Variants in CDIN1 observed in about 807,000 individuals in gnomAD.
CDIN1 encodes the protein CDAN1-interacting nuclease 1.
A neutral mutation model predicts 45.3 loss-of-function variants in CDIN1; 33 were observed. The ratio of observed to expected loss-of-function variants is 0.73; its 90% confidence interval spans 0.55 to 0.97. The LOEUF (loss-of-function observed/expected upper bound fraction) is 0.97. Ranked by LOEUF, CDIN1 falls within the 50% of genes least tolerant of loss-of-function variation. The probability of loss-of-function intolerance (pLI) is 0.00; values close to 1 mark genes in which losing one functional copy is unlikely to be tolerated. For synonymous variants in CDIN1, 118 were observed against 124.4 expected (o/e 0.95, Z 0.34); for missense variants, 303 against 339.4 (o/e 0.89, Z 0.84).
chr15:36,579,644 T>G lies in CDIN1; in HGVS notation c.-217T>G. On this transcript the variant is annotated 5_prime_UTR_variant, in exon 1 of 11. Coordinates refer to ENST00000566621, the MANE Select transcript of CDIN1 (RefSeq NM_001321759.2). ...CTAGGGCACTCTGGTGTACAGCCAG[T>G]CCCCGCCGCGGAGGTGCCGGTGGAG... The G allele has an allele frequency of 1.9e-6, 1 of 521,100 alleles. No individual in the cohort carries two copies. The highest frequency in any genetic ancestry group is 3.4e-6 in the Non-Finnish European group (1 of 291,974). The allele number at this position is 521,100 out of a possible 1,614,324, so 32.3% of individuals were successfully genotyped here.
intron 3 of CDIN1, among the ~76,000 whole-genome samples, chr15:36,650,674 C>T (rs937135298): frequency 6.6e-6 from 1 of 152,040 alleles, no homozygotes; most frequent in African/African-American, 2.4e-5. Context: ...AACTCCTGGC[C>T]TCAAATGATC....
chr15:36,754,347 G>A (rs2053552100), intron 10 of CDIN1, among the ~76,000 whole-genome samples: 1 of 152,096 alleles, frequency 6.6e-6, no homozygotes, highest in African/African-American at 2.4e-5. Context: ...GGCTGTTAAT[G>A]TGTCTTGAGC....
At chr15:36,665,569 G>A (rs2041215810) in intron 5 of CDIN1, among the ~76,000 whole-genome samples, 1 of 152,164 alleles carries the variant, frequency 6.6e-6, no homozygotes, top group South Asian at 2.1e-4. Context: ...GAAAGAGGAT[G>A]GTGAAAGAGT....
rs917264887 is a variant in CDIN1, at chr15:36,809,520, T to C, written c.*1067T>C. 9.2e-5 allele frequency: 14 copies of C among 152,230 alleles called. No homozygotes were observed. Among genetic ancestry groups the C allele is most frequent in the African/African-American group, 3.1e-4 (13 of 41,450 alleles). 9.4% of individuals were successfully genotyped at this position (152,230 alleles called of 1,614,324 possible). ...TTAATTTATTCACTTTTGTGTACTT[T>C]TATGTACTGCAAATCAGATTTCAGT... On this transcript the variant is annotated 3_prime_UTR_variant, in exon 11 of 11. Coordinates refer to ENST00000566621, the MANE Select transcript of CDIN1 (RefSeq NM_001321759.2).
intron 1 of CDIN1, among the ~76,000 whole-genome samples, chr15:36,612,050 G>T (rs954611549): frequency 1.3e-5 from 2 of 152,120 alleles, no homozygotes; most frequent in African/African-American, 4.8e-5. Flanking sequence ...TTTTCCCCAG[G>T]TGTCTGTTTT....
At chr15:36,797,529 T>G (rs2054844052) in intron 10 of CDIN1, among the ~76,000 whole-genome samples, 1 of 152,192 alleles carries the variant, frequency 6.6e-6, no homozygotes, top group African/African-American at 2.4e-5. Context: ...GGACTAGTAC[T>G]CTTGGTTTCT....
chr15:36,641,645 AGT>A (rs2040112210), intron 1 of CDIN1: 3 of 152,362 alleles, frequency 2.0e-5, no homozygotes, highest in Middle Eastern at 3.4e-3. Context: ...AGTGATATAA[AGT>A]GTAAAGATTC....
chr15:36,608,692 A>C (rs1037478), intron 1 of CDIN1, among the ~76,000 whole-genome samples: 69,056 of 151,726 alleles, frequency 0.46, 16,148 homozygotes, highest in African/African-American at 0.54. Flanking sequence ...TACAGAAGAT[A>C]AATATAGAGA....
At chr15:36,780,813 T>A in intron 10 of CDIN1, among the ~76,000 whole-genome samples, 1 of 152,176 alleles carries the variant, frequency 6.6e-6, no homozygotes, top group Non-Finnish European at 1.5e-5. Context: ...AACTAGTAAG[T>A]GGCCGAGCTA....
chr15:36,788,422 A>C (rs1026804570), intron 10 of CDIN1, among the ~76,000 whole-genome samples: 3 of 152,104 alleles, frequency 2.0e-5, no homozygotes, highest in Admixed American at 2.0e-4. Context: ...GAGCAGTTTG[A>C]ACTCAGGCAT....
intron 10 of CDIN1, among the ~76,000 whole-genome samples, chr15:36,729,540 T>A (rs2043764951): frequency 6.6e-6 from 1 of 152,216 alleles, no homozygotes; most frequent in Non-Finnish European, 1.5e-5. Flanking sequence ...TTGTTTTAAA[T>A]GATAAATATG....
At position 36,734,343 on chromosome 15, in the gene CDIN1, G is replaced by T. The variant is rs552179042; in HGVS notation, c.716+24382G>T. On this transcript the variant is annotated intron_variant, in intron 10 of 10. Transcript: ENST00000566621. ...AGAACAATACTAATACTATGTAGTC[G>T]GGTATAAGAATTCCAGAGGTACTTT... 2.3e-5 allele frequency: 10 copies of T among 426,524 alleles called. No homozygotes were observed. The East Asian group carries it at 7.0e-4, about 30-fold the overall frequency. 26.4% of individuals were successfully genotyped at this position (426,524 alleles called of 1,614,324 possible). A position where few individuals can be genotyped will look rare whatever the true frequency, so the allele number is the denominator to read the frequency against.
intron 10 of CDIN1, among the ~76,000 whole-genome samples, chr15:36,720,466 C>T (rs115547719): frequency 0.01 from 1,430 of 138,482 alleles, 25 homozygotes; most frequent in African/African-American, 0.036. Context: ...TGTGATATTC[C>T]CCACCCTGTG....
intron 10 of CDIN1, among the ~76,000 whole-genome samples, chr15:36,771,953 C>T (rs569868320): frequency 2.0e-5 from 3 of 150,578 alleles, no homozygotes; most frequent in East Asian, 2.0e-4. Context: ...AGAAGATAGA[C>T]TCACACAAAC....
At chr15:36,757,439 GTAGTCCCTTTC>G (rs889076365) in intron 10 of CDIN1, among the ~76,000 whole-genome samples, 10 of 152,196 alleles carry the variant, frequency 6.6e-5, no homozygotes, top group African/African-American at 2.4e-4. Context: ...ACAAAATGCA[GTAGTCCCTTTC>G]TAGTCCGAGG....
chr15:36,718,812 C>CTTTTTTTTTTTTTTTTTT (rs3045909), intron 10 of CDIN1, among the ~76,000 whole-genome samples: 7 of 96,626 alleles, frequency 7.2e-5, no homozygotes, highest in Non-Finnish European at 9.8e-5. Flanking sequence ...AATTTGTATG[C>CTTTTTTTTTTTTTTTTTT]TTTTTTTTTT....
chr15:36,585,950 A>G lies in CDIN1; in HGVS notation c.101+5989A>G, dbSNP rs1489774037. Among the ~76,000 whole-genome samples, 3 of 152,114 alleles carry G rather than the reference A, an allele frequency of 2.0e-5. No homozygotes were observed. The East Asian group carries it at 5.8e-4, about 29-fold the overall frequency. On this transcript the variant is annotated intron_variant, in intron 1 of 10. Coordinates refer to ENST00000566621, the MANE Select transcript of CDIN1 (RefSeq NM_001321759.2). ...TACTGTGACTCACAAAACAGGCTCTACCTGACCAAACTACAATTACTGACT... is the reference window on the plus strand; with the variant it reads ...TACTGTGACTCACAAAACAGGCTCTGCCTGACCAAACTACAATTACTGACT...
At chr15:36,778,523 C>T (rs560658297) in intron 10 of CDIN1, among the ~76,000 whole-genome samples, 1 of 152,286 alleles carries the variant, frequency 6.6e-6, no homozygotes, top group Non-Finnish European at 1.5e-5. Flanking sequence ...AGAAAATAGT[C>T]TCTATATGAC....
chr15:36,716,499 T>C (rs578091728), intron 10 of CDIN1, among the ~76,000 whole-genome samples: 72 of 152,266 alleles, frequency 4.7e-4, no homozygotes, highest in Non-Finnish European at 9.6e-4. Flanking sequence ...GGAGATCAGG[T>C]CAAAATTGAT....
Sources: allele counts gnomAD v4.1 joint callset (sites outside exome capture counted in the v4.1 genomes callset), GRCh38; gene constraint gnomAD v4.1.1; transcripts MANE v1.5; gene names NCBI Gene and HGNC (gene_info 2026-07-23, HGNC 2026-07-21).